Variants in VPS37C observed in about 807,000 individuals in gnomAD.
VPS37C encodes vacuolar protein sorting-associated protein 37C.
Under a neutral mutation model 16.1 loss-of-function variants are expected in VPS37C, and 9 were observed. That is an observed-to-expected ratio of 0.56 (90% CI 0.34 to 0.97). The LOEUF (loss-of-function observed/expected upper bound fraction) is 0.97. Ranked by LOEUF, VPS37C falls within the 50% of genes least tolerant of loss-of-function variation. The pLI, the probability that VPS37C is intolerant of heterozygous loss-of-function variation, is 0.02. For synonymous variants in VPS37C, 207 were observed against 206.4 expected (o/e 1.00, Z -0.02); for missense variants, 479 against 472.7 (o/e 1.01, Z -0.12).
At chr11:61,144,853 A>AGG (rs1853171325) in intron 1 of VPS37C, 1 of 152,108 alleles carries the variant, frequency 6.6e-6, no homozygotes, top group South Asian at 2.1e-4. Context: ...CCAAGCTGCT[A>AGG]CCTCCTCTGC....
intron 1 of VPS37C, among the ~76,000 whole-genome samples, chr11:61,151,078 C>G (rs1853291407): frequency 6.6e-6 from 1 of 152,204 alleles, no homozygotes; most frequent in African/African-American, 2.4e-5. Context: ...GGAGGAAACG[C>G]AGAGCCTGAA....
chr11:61,150,038 C>A (rs766045089), intron 1 of VPS37C, among the ~76,000 whole-genome samples: 2 of 152,138 alleles, frequency 1.3e-5, no homozygotes, highest in Non-Finnish European at 2.9e-5. Flanking sequence ...CCAGTCCGTC[C>A]CCTAAAGGGA....
chr11:61,153,630 C>G lies in VPS37C; in HGVS notation c.-7+7761G>C, dbSNP rs547826556. Among the ~76,000 whole-genome samples the G allele has an allele frequency of 3.3e-5, 5 of 152,188 alleles. No individual in the cohort carries two copies. The South Asian group carries it at 1.0e-3, about 31-fold the overall frequency. ...ATGATAGTTTGTAAACACTGGACAT[C>G]AGACAGCACAGACCCCTGACAGTGG... On this transcript the variant is annotated intron_variant, in intron 1 of 4. Transcript: ENST00000301765.
Position 61,131,855 on chromosome 11 carries a change from G to T in VPS37C, c.1033C>A (p.Pro345Thr). ...PPGPAPPYGF[P>T]PPPGPAWPGY ...GGCCAGGCAGGCCCCGGCGGTGGTG[G>T]GAACCCATAGGGAGGGGCGGGCCCG... is the stretch of plus-strand genomic sequence containing the variant. Residue 345 changes from proline (P) to threonine (T), a missense_variant, in exon 5 of 5, where the codon CCA becomes ACA. By Grantham distance (38) the Pro-to-Thr change is conservative. Coordinates refer to ENST00000301765, the MANE Select transcript of VPS37C (RefSeq NM_017966.5). 1 of 1,263,722 alleles carries T rather than the reference G, an allele frequency of 7.9e-7. No homozygotes were observed. Among genetic ancestry groups the T allele is most frequent in the Admixed American group, 4.0e-5 (1 of 24,966 alleles). 78.3% of individuals were successfully genotyped at this position (1,263,722 alleles called of 1,614,324 possible). A position where few individuals can be genotyped will look rare whatever the true frequency, so the allele number is the denominator to read the frequency against.
chr11:61,157,018 C>T (rs894540704), intron 1 of VPS37C, among the ~76,000 whole-genome samples: 14 of 152,226 alleles, frequency 9.2e-5, no homozygotes, highest in Non-Finnish European at 1.9e-4. Context: ...GCAGGTTTCA[C>T]TTAGGATAAT....
chr11:61,138,994 T>C (rs1282496007), intron 1 of VPS37C, among the ~76,000 whole-genome samples, 159 bp from the exon 2 acceptor site: 2 of 152,066 alleles, frequency 1.3e-5, no homozygotes, highest in African/African-American at 4.8e-5. Flanking sequence ...TGAGAGCACA[T>C]TCCTGCGGCT....
At chr11:61,156,502 T>C (rs890380899) in intron 1 of VPS37C, among the ~76,000 whole-genome samples, 1 of 152,234 alleles carries the variant, frequency 6.6e-6, no homozygotes, top group South Asian at 2.1e-4. Flanking sequence ...TGAGAATCAT[T>C]TGAACCCAGG....
Position 61,138,806 on chromosome 11 carries a change from G to A in VPS37C, c.24C>T (p.Thr8=), listed in dbSNP as rs754353778. The A allele has an allele frequency of 6.2e-7, 1 of 1,613,976 alleles. No homozygotes were observed. The highest frequency in any genetic ancestry group is 2.2e-5 in the East Asian group (1 of 44,872). The change falls in exon 2 of 5, where the codon ACC becomes ACT. Residue 8 remains threonine, a synonymous_variant. Coordinates refer to ENST00000301765, the MANE Select transcript of VPS37C (RefSeq NM_017966.5). ...TCTGCAACTCCTCCAGCTCCTGCAG[G>A]GTCTTATCCTTCAGCGTCTCCATCC... is the stretch of plus-strand genomic sequence containing the variant. METLKDK[T]LQELEELQND... is the part of the protein sequence containing the mutation.
chr11:61,138,895 G>A (rs1262702284), intron 1 of VPS37C, 60 bp from the exon 2 acceptor site: 1 of 1,488,680 alleles, frequency 6.7e-7, no homozygotes, highest in African/African-American at 1.4e-5. Flanking sequence ...GGACCCCCGA[G>A]CCTGTACATA....
chr11:61,137,294 A>G (rs556508946), intron 2 of VPS37C, among the ~76,000 whole-genome samples: 7 of 152,266 alleles, frequency 4.6e-5, no homozygotes, highest in African/African-American at 1.7e-4. Context: ...AAGTTTGCCA[A>G]TGGTCTGAAG....
chr11:61,153,050 G>T (rs138985068), intron 1 of VPS37C, among the ~76,000 whole-genome samples: 1 of 152,294 alleles, frequency 6.6e-6, no homozygotes, highest in Admixed American at 6.5e-5. Flanking sequence ...AGCCCATGTC[G>T]TGTTTGTTTC....
chr11:61,135,491 T>C (rs545748699), intron 2 of VPS37C, among the ~76,000 whole-genome samples: 1 of 152,224 alleles, frequency 6.6e-6, no homozygotes, highest in Non-Finnish European at 1.5e-5. Context: ...ATGAGTGCAA[T>C]AGCATGACCA....
At chr11:61,158,191 G>C (rs1590796817) in intron 1 of VPS37C, among the ~76,000 whole-genome samples, 2 of 152,168 alleles carry the variant, frequency 1.3e-5, no homozygotes, top group East Asian at 3.8e-4. Flanking sequence ...TACTCATAAA[G>C]GTTTATGCAA....
chr11:61,146,517 G>A (rs1346587047), intron 1 of VPS37C, among the ~76,000 whole-genome samples: 2 of 152,250 alleles, frequency 1.3e-5, no homozygotes, highest in South Asian at 4.1e-4. Flanking sequence ...AGGGGCCTGC[G>A]CATGCCATGC....
intron 1 of VPS37C, among the ~76,000 whole-genome samples, chr11:61,140,865 C>T (rs889343218): frequency 2.6e-5 from 4 of 152,204 alleles, no homozygotes; most frequent in African/African-American, 9.7e-5. Flanking sequence ...AAAATTCAAA[C>T]CTGCATTCTG....
intron 1 of VPS37C, among the ~76,000 whole-genome samples, chr11:61,152,800 A>C (rs1451371941): frequency 2.0e-5 from 3 of 152,234 alleles, no homozygotes; most frequent in Non-Finnish European, 4.4e-5. Context: ...TTCGCAGCAC[A>C]GGCTTCTCCG....
Position 61,133,864 on chromosome 11 carries a change from A to G in VPS37C, c.265+172T>C, listed in dbSNP as rs529730018. ...TGGGTGACCTTAGTCAAGTTATTGA[A>G]TCTCTCTGAGCCTCATTTTTCTTAC... On this transcript the variant is annotated intron_variant, in intron 3 of 4. Transcript: ENST00000301765. Among the ~76,000 whole-genome samples the G allele has an allele frequency of 1.1e-4, 16 of 152,338 alleles. No individual in the cohort carries two copies. The South Asian group carries it at 3.1e-3, about 30-fold the overall frequency.
In VPS37C at chr11:61,132,449, GGC is replaced by G; in HGVS notation, c.437_438del (p.Arg146ProfsTer45). 1 of 1,613,078 alleles carries G rather than the reference GGC, an allele frequency of 6.2e-7. No homozygotes were observed. The highest frequency in any genetic ancestry group is 8.5e-7 in the Non-Finnish European group (1 of 1,179,660). On this transcript the variant is annotated frameshift_variant, in exon 5 of 5. Coordinates refer to ENST00000301765, the MANE Select transcript of VPS37C (RefSeq NM_017966.5). LOFTEE classifies it low-confidence loss of function (END_TRUNC). ...FSSMRMLSHL[R>X]RVRVEKLQEV... ...TCCTGGAGCTTTTCCACGCGAACCC[GGC>G]GCAGGTGGGACAGCATCCTCATGGA...
At position 61,131,522 on chromosome 11, in the gene VPS37C, G is replaced by C. The variant is rs1242383363; in HGVS notation, c.*298C>G. ...GCCGCAAGTAGATGCTCATAAATGC[G>C]CACATGCGCTCACTCACACAGACAC... On this transcript the variant is annotated 3_prime_UTR_variant, in exon 5 of 5. Coordinates refer to ENST00000301765, the MANE Select transcript of VPS37C (RefSeq NM_017966.5). 1 of 342,712 alleles carries C rather than the reference G, an allele frequency of 2.9e-6. No individual in the cohort carries two copies. Among genetic ancestry groups the C allele is most frequent in the East Asian group, 4.4e-5 (1 of 22,504 alleles). The allele number at this position is 342,712 out of a possible 1,614,324, so 21.2% of individuals were successfully genotyped here. A position where few individuals can be genotyped will look rare whatever the true frequency, so the allele number is the denominator to read the frequency against.
Sources: allele counts gnomAD v4.1 joint callset (sites outside exome capture counted in the v4.1 genomes callset), GRCh38; gene constraint gnomAD v4.1.1; transcripts MANE v1.5; gene names NCBI Gene and HGNC (gene_info 2026-07-23, HGNC 2026-07-21).